The following SLC17A9 variants were observed in gnomAD, a reference collection of about 807,000 sequenced individuals.
SLC17A9 encodes the protein voltage-gated purine nucleotide uniporter SLC17A9.
In SLC17A9, 49 loss-of-function variants were observed where a neutral mutation model predicts 55.0. The ratio of observed to expected loss-of-function variants is 0.89; its 90% CI spans 0.71 to 1.13. SLC17A9 has a LOEUF of 1.13. Among genes scored for constraint, SLC17A9 ranks in the 50% most tolerant of loss-of-function variants. SLC17A9 has a pLI of 0.00. For synonymous variants in SLC17A9, 256 were observed against 247.4 expected, an observed-to-expected ratio of 1.03 and a Z score of -0.32; for missense variants, 526 against 569.3, an observed-to-expected ratio of 0.92 and a Z score of 0.77.
At position 62,966,538 on chromosome 20, in the gene SLC17A9, A is replaced by T. The variant is rs751781733; in HGVS notation, c.1075A>T (p.Asn359Tyr). The change falls in exon 11 of 13, where the codon AAC (asparagine) becomes TAC (tyrosine). Residue 359 changes from asparagine to tyrosine, a missense_variant. Physicochemically the swap from Asn to Tyr is moderately radical, Grantham distance 143 (BLOSUM62 -2). Coordinates refer to ENST00000370351, the MANE Select transcript of SLC17A9 (RefSeq NM_022082.4). ...TCCTCCCCACAGTGGCATTTCTGTT[A>T]ACATCCAGGACTTGGCCCCGTCCTG... ...QTFNHSGISV[N>Y]IQDLAPSCAG... 1.9e-6 allele frequency: 3 copies of T among 1,613,892 alleles called. No individual in the cohort carries two copies. The Admixed American group carries it at 5.0e-5, about 27-fold the overall frequency.
intron 1 of SLC17A9, among the ~76,000 whole-genome samples, chr20:62,954,574 T>C (rs2065519968): frequency 6.6e-6 from 1 of 151,798 alleles, no homozygotes; most frequent in African/African-American, 2.4e-5. Flanking sequence ...ACACCCCCCG[T>C]CCCCCGCGCC....
At position 62,958,393 on chromosome 20, in the gene SLC17A9, G is replaced by A. The variant is rs573924374; in HGVS notation, c.397+813G>A. On this transcript the variant is annotated intron_variant, in intron 3 of 12. Transcript: ENST00000370351. This position sits in a 1 kb window ranked among gnomAD's most constrained non-coding sequence, Gnocchi z 4.1. ...GCCTCCGATACTAGGGCCTTGGAGC[G>A]CCTTAACTGTCAGGAGAACAAGGTG... Among the ~76,000 whole-genome samples the A allele has an allele frequency of 1.3e-5, 2 of 152,014 alleles. No individual in the cohort carries two copies. Among genetic ancestry groups the A allele is most frequent in the African/African-American group, 2.4e-5 (1 of 41,498 alleles).
chr20:62,965,235 G>A, intron 9 of SLC17A9, 69 bp downstream of exon 9: 1 of 1,603,020 alleles, frequency 6.2e-7, no homozygotes, highest in South Asian at 1.1e-5. Flanking sequence ...AGGAACTCAG[G>A]GTTGTGTCCC....
At chr20:62,965,255 T>A in intron 9 of SLC17A9, 89 bp downstream of exon 9, 3 of 1,555,850 alleles carry the variant, frequency 1.9e-6, no homozygotes, top group Non-Finnish European at 2.7e-6. Flanking sequence ...CCAAGTCACC[T>A]GATATCTGGG....
At chr20:62,963,089 A>G in intron 5 of SLC17A9, 184 bp from the exon 6 acceptor site, 3 of 686,236 alleles carry the variant, frequency 4.4e-6, no homozygotes, top group South Asian at 3.6e-5. Flanking sequence ...GCGGTTCTCA[A>G]AGGTGATGCT....
In SLC17A9 at chr20:62,962,856, G is replaced by A. The variant is rs573894562; in HGVS notation, c.628+102G>A. The A allele has an allele frequency of 4.7e-5, 71 of 1,503,244 alleles. 1 individual carries two copies. In the Middle Eastern group the frequency reaches 6.0e-4, roughly 13 times the overall value. The allele number at this position is 1,503,244 out of a possible 1,614,324, so 93.1% of individuals were successfully genotyped here. A position where few individuals can be genotyped will look rare whatever the true frequency, so the allele number is the denominator to read the frequency against. ...CAGCCTGGAGCAGGAGCCCGGAGAC[G>A]ATGGCTTTGACCTCCCAAAGAATCC... On this transcript the variant is annotated intron_variant, in intron 5 of 12. Coordinates refer to ENST00000370351, the MANE Select transcript of SLC17A9 (RefSeq NM_022082.4). This position sits in a 1 kb window ranked among gnomAD's most constrained non-coding sequence, Gnocchi z 5.5.
Position 62,962,643 on chromosome 20 carries a change from G to A in SLC17A9, c.517G>A (p.Val173Met), listed in dbSNP as rs1050146969. Residue 173 changes from valine to methionine, a missense_variant, in exon 5 of 13, where the codon GTG (valine) becomes ATG (methionine). By Grantham distance (21) the Val-to-Met change is conservative. Transcript: ENST00000370351. The surrounding 1 kb of genome is among the most constrained non-coding windows in gnomAD (Gnocchi z 5.5). ...TTGCAGGACGCTGCTGACCGGGGCG[G>A]TGGGCTCCCTGCTCCTGGAATGGTA... ...SQFGTLLTGA[V>M]GSLLLEWYGW... The A allele has an allele frequency of 1.9e-6, 3 of 1,614,000 alleles. No individual in the cohort carries two copies. The highest frequency in any genetic ancestry group is 2.5e-6 in the Non-Finnish European group (3 of 1,179,894).
Position 62,956,914 on chromosome 20 carries a change from TC to T in SLC17A9, c.210del (p.Trp71GlyfsTer5). The T allele has an allele frequency of 1.2e-6, 2 of 1,613,644 alleles. No individual in the cohort carries two copies. Among genetic ancestry groups the T allele is most frequent in the Non-Finnish European group, 8.5e-7 (1 of 1,180,024 alleles). On this transcript the variant is annotated frameshift_variant, in exon 2 of 13. Transcript: ENST00000370351. LOFTEE classifies it high-confidence loss of function. ...GCCGGCATCGTGCTCAGCAGCTTCT[TC>T]TGGGGCTACTGCCTGACACAGGTTG... ...KEAGIVLSSF[F>X]WGYCLTQVVG...
At chr20:62,953,399 G>A in intron 1 of SLC17A9, 1 of 1,191,290 alleles carries the variant, frequency 8.4e-7, no homozygotes, top group Non-Finnish European at 1.2e-6. Flanking sequence ...GTGGTGGGGA[G>A]AAGCAGGGCC....
At chr20:62,953,288 T>C in intron 1 of SLC17A9, 1 of 1,546,350 alleles carries the variant, frequency 6.5e-7, no homozygotes, top group Non-Finnish European at 8.7e-7. Flanking sequence ...GGGCACGGGC[T>C]GGAGCCTGCA....
chr20:62,963,808 T>A, intron 7 of SLC17A9, 128 bp downstream of exon 7: 4 of 844,542 alleles, frequency 4.7e-6, no homozygotes, highest in Non-Finnish European at 5.5e-6. Flanking sequence ...CTGAGGGTCC[T>A]GGCACTGCCA....
At chr20:62,953,594 C>T (rs1244749488) in intron 1 of SLC17A9, among the ~76,000 whole-genome samples, 1 of 152,232 alleles carries the variant, frequency 6.6e-6, no homozygotes, top group Non-Finnish European at 1.5e-5. Flanking sequence ...TGGGCTGAGG[C>T]CTTAAGTGGC....
chr20:62,962,657 C>T lies in SLC17A9; in HGVS notation c.531C>T (p.Leu177=). Residue 177 remains leucine (L), a synonymous_variant, in exon 5 of 13, where the codon CTC becomes CTT. Coordinates refer to ENST00000370351, the MANE Select transcript of SLC17A9 (RefSeq NM_022082.4). The surrounding 1 kb of genome is among the most constrained non-coding windows in gnomAD (Gnocchi z 5.5). ...TLLTGAVGSL[L]LEWYGWQSIF... The stretch of plus-strand genomic sequence containing the variant: ...TGACCGGGGCGGTGGGCTCCCTGCT[C>T]CTGGAATGGTACGGCTGGCAGAGCA... 2.5e-6 allele frequency: 4 copies of T among 1,614,068 alleles called. No homozygotes were observed. The highest frequency in any genetic ancestry group is 3.4e-6 in the Non-Finnish European group (4 of 1,179,950).
In SLC17A9 at chr20:62,952,935, G is replaced by T. The variant is rs917460605; in HGVS notation, c.59+46G>T. 4 of 1,433,986 alleles carry T rather than the reference G, an allele frequency of 2.8e-6. 1 individual carries two copies. The highest frequency in any genetic ancestry group is 3.7e-6 in the Non-Finnish European group (4 of 1,077,232). The allele number at this position is 1,433,986 out of a possible 1,614,324, so 88.8% of individuals were successfully genotyped here. On this transcript the variant is annotated intron_variant, in intron 1 of 12. Transcript: ENST00000370351. ...GGGGGGGTGGGAGCGGTGGAGATGG[G>T]GCCGTGGGGAGGGAGCTGAGATACT...
rs551001393 is a variant in SLC17A9, at chr20:62,967,595, A to G, written c.*95A>G. The G allele has an allele frequency of 5.3e-5, 70 of 1,313,920 alleles. 1 individual carries two copies. In the East Asian group the frequency reaches 1.4e-3, roughly 27 times the overall value. The allele number at this position is 1,313,920 out of a possible 1,614,324, so 81.4% of individuals were successfully genotyped here. A position where few individuals can be genotyped will look rare whatever the true frequency, so the allele number is the denominator to read the frequency against. On this transcript the variant is annotated 3_prime_UTR_variant, in exon 13 of 13. Transcript: ENST00000370351. ...GGGACTTGGTCACTCCATGTCAGACACACGAGCAGAGAGGAACACAAACCA... is the reference window on the plus strand; with the variant it reads ...GGGACTTGGTCACTCCATGTCAGACGCACGAGCAGAGAGGAACACAAACCA...
At position 62,968,865 on chromosome 20, in the gene SLC17A9, A is replaced by T. The variant is rs966434328; in HGVS notation, c.*1365A>T. On this transcript the variant is annotated 3_prime_UTR_variant, in exon 13 of 13. Transcript: ENST00000370351. ...CAGCTGTCCACCCAGCTTTCCCAAGATGTGGGGCCCCCATGGAGTCAGACA... is the reference window on the plus strand; with the variant it reads ...CAGCTGTCCACCCAGCTTTCCCAAGTTGTGGGGCCCCCATGGAGTCAGACA... 6.6e-6 allele frequency: 1 copy of T among 152,346 alleles called. No individual in the cohort carries two copies. Among genetic ancestry groups the T allele is most frequent in the East Asian group, 1.9e-4 (1 of 5,192 alleles). The allele number at this position is 152,346 out of a possible 1,614,324, so 9.4% of individuals were successfully genotyped here.
chr20:62,965,577 G>C, intron 9 of SLC17A9, 33 bp from the exon 10 acceptor site: 1 of 1,596,118 alleles, frequency 6.3e-7, no homozygotes, highest in Admixed American at 1.7e-5. Flanking sequence ...GGCGGGCTGG[G>C]TGCCTCTCCG....
rs1484606318 is a variant in SLC17A9 at position 62,963,853 on chromosome 20, G to A, written c.822+173G>A. ...TCTGGAGAGGACCCCGTCCATGCTC[G>A]GGGCAGGTTTCTGTGTTTGAGGCTG... On this transcript the variant is annotated intron_variant, in intron 7 of 12. Transcript: ENST00000370351. The A allele has an allele frequency of 4.0e-5, 26 of 643,200 alleles. No individual in the cohort carries two copies. In the East Asian group the frequency reaches 5.8e-4, roughly 14 times the overall value. The allele number at this position is 643,200 out of a possible 1,614,324, so 39.8% of individuals were successfully genotyped here.
At chr20:62,963,135 G>A in intron 5 of SLC17A9, 138 bp from the exon 6 acceptor site, 1 of 861,278 alleles carries the variant, frequency 1.2e-6, no homozygotes, top group Non-Finnish European at 1.8e-6. Flanking sequence ...GCCAAGGGAG[G>A]CTGGCGCCCA....
Sources: allele counts gnomAD v4.1 joint callset (sites outside exome capture counted in the v4.1 genomes callset), GRCh38; gene constraint gnomAD v4.1.1; non-coding constraint Gnocchi (gnomAD v3.1); transcripts MANE v1.5; gene names NCBI Gene and HGNC (gene_info 2026-07-23, HGNC 2026-07-21).